NFATC2: variants seen among roughly 807,000 people sequenced by gnomAD.
NFATC2 encodes nuclear factor of activated T cells 2.
In NFATC2, 22 loss-of-function variants were observed where a neutral mutation model predicts 87.3. The ratio of observed to expected loss-of-function variants is 0.25; its 90% CI spans 0.18 to 0.36. The LOEUF (loss-of-function observed/expected upper bound fraction) is 0.36. NFATC2 is among the 10% of genes least tolerant of loss of function. The probability of loss-of-function intolerance (pLI) is 1.00; values close to 1 mark genes in which losing one functional copy is unlikely to be tolerated. For missense variants in NFATC2, 1,149 were observed against 1,259.1 expected (o/e 0.91, Z 1.32); for synonymous variants, 565 against 542.2 (o/e 1.04, Z -0.58).
chr20:51,446,248 A>G (rs919868598), intron 6 of NFATC2, among the ~76,000 whole-genome samples: 2 of 152,220 alleles, frequency 1.3e-5, no homozygotes, highest in Admixed American at 1.3e-4. Flanking sequence ...CCCAGACAAG[A>G]AACCAACATG....
intron 2 of NFATC2, among the ~76,000 whole-genome samples, chr20:51,519,237 C>G (rs2076402400): frequency 1.3e-5 from 2 of 152,008 alleles, no homozygotes; most frequent in African/African-American, 4.8e-5. Context: ...TTTAAAGCAC[C>G]AAAAATTTTG....
chr20:51,408,987 A>G (rs958903690), intron 9 of NFATC2, among the ~76,000 whole-genome samples: 1 of 152,240 alleles, frequency 6.6e-6, no homozygotes, highest in Admixed American at 6.5e-5. Context: ...CACCTTTCAG[A>G]AAAGAAATTT....
At chr20:51,449,977 G>A (rs1260273006) in intron 6 of NFATC2, among the ~76,000 whole-genome samples, 1 of 152,034 alleles carries the variant, frequency 6.6e-6, no homozygotes, top group Non-Finnish European at 1.5e-5. Context: ...ATGAGATAAA[G>A]TCTTACTTGT....
chr20:51,491,877 T>C (rs6021244), intron 3 of NFATC2, among the ~76,000 whole-genome samples: 1,805 of 57,288 alleles, frequency 0.032, 158 homozygotes, highest in African/African-American at 0.069. Flanking sequence ...CACATACACA[T>C]ACACACACAC....
intron 3 of NFATC2, among the ~76,000 whole-genome samples, chr20:51,485,284 A>C (rs1213473841): frequency 2.0e-5 from 3 of 152,132 alleles, no homozygotes; most frequent in Non-Finnish European, 4.4e-5. Flanking sequence ...TTAAATAAAA[A>C]ACCTGGATCA....
chr20:51,492,304 C>T (rs1195541224), intron 3 of NFATC2, among the ~76,000 whole-genome samples: 1 of 151,878 alleles, frequency 6.6e-6, no homozygotes, highest in East Asian at 2.0e-4. Context: ...ATTCTCAGGA[C>T]GACCTGGGCA....
chr20:51,469,501 T>TA (rs1352582141), intron 5 of NFATC2, among the ~76,000 whole-genome samples: 1 of 152,118 alleles, frequency 6.6e-6, no homozygotes. Context: ...TGTAGTGGGT[T>TA]ACACATAGTA....
intron 3 of NFATC2, among the ~76,000 whole-genome samples, chr20:51,495,551 G>C (rs2075974931): frequency 6.6e-6 from 1 of 152,152 alleles, no homozygotes; most frequent in African/African-American, 2.4e-5. Context: ...GTCCTCTCTG[G>C]GGAACTGTCT....
chr20:51,481,900 C>T (rs765871858), intron 3 of NFATC2, among the ~76,000 whole-genome samples: 4 of 152,164 alleles, frequency 2.6e-5, no homozygotes, highest in South Asian at 2.1e-4. Flanking sequence ...GTATTGGGAT[C>T]GCTTGCAAAC....
At chr20:51,476,677 A>G (rs1988745169) in intron 3 of NFATC2, among the ~76,000 whole-genome samples, 1 of 152,234 alleles carries the variant, frequency 6.6e-6, no homozygotes, top group Admixed American at 6.5e-5. Context: ...TAGCACCTAG[A>G]GTAACGCTTG....
intron 6 of NFATC2, among the ~76,000 whole-genome samples, chr20:51,453,649 T>C (rs1986068727): frequency 6.6e-6 from 1 of 152,204 alleles, no homozygotes; most frequent in Non-Finnish European, 1.5e-5. Flanking sequence ...AAGACACCGA[T>C]AGTACACCAA....
chr20:51,540,659 T>G (rs201653467), intron 1 of NFATC2, among the ~76,000 whole-genome samples: 3 of 100,104 alleles, frequency 3.0e-5, no homozygotes, highest in East Asian at 4.2e-4. Context: ...TTTTTTTTTG[T>G]TTTTTTTTTT....
chr20:51,538,714 T>C (rs2076759782), intron 1 of NFATC2, among the ~76,000 whole-genome samples: 1 of 152,238 alleles, frequency 6.6e-6, no homozygotes, highest in African/African-American at 2.4e-5. Flanking sequence ...AAGGGTTTAC[T>C]AAACCACTAG....
rs6021263 is a variant in NFATC2, at chr20:51,512,765, G to A, written c.1332+4019C>T. Among the ~76,000 whole-genome samples, 725 of 152,326 alleles carry A rather than the reference G, an allele frequency of 4.8e-3. 12 individuals are homozygous for A. Among genetic ancestry groups the A allele is most frequent in the African/African-American group, 0.016 (671 of 41,570 alleles). Reference sequence around the variant, plus strand: ...ATAGTGAGGCAAATAAAAGAGAGAAGGGTGGAGACTGAGTAACTGAGAGGG... The same window carrying A: ...ATAGTGAGGCAAATAAAAGAGAGAAAGGTGGAGACTGAGTAACTGAGAGGG... On this transcript the variant is annotated intron_variant, in intron 3 of 10. Transcript: ENST00000371564.
chr20:51,522,547 C>G (rs1334789369), intron 2 of NFATC2, among the ~76,000 whole-genome samples: 1 of 150,846 alleles, frequency 6.6e-6, no homozygotes, highest in Non-Finnish European at 1.5e-5. Context: ...CTTCCCAAGA[C>G]TTTAAGCTCC....
At chr20:51,549,797 G>A (rs918265491) in intron 1 of NFATC2, among the ~76,000 whole-genome samples, 1 of 152,252 alleles carries the variant, frequency 6.6e-6, no homozygotes, top group African/African-American at 2.4e-5. Flanking sequence ...TTCATGGGAT[G>A]TGACATGCAG....
intron 9 of NFATC2, among the ~76,000 whole-genome samples, chr20:51,413,885 A>G (rs1979644588): frequency 6.6e-6 from 1 of 152,256 alleles, no homozygotes; most frequent in South Asian, 2.1e-4. Flanking sequence ...CCTCATCTAT[A>G]AAATGCCTCT....
At chr20:51,404,375 G>C (rs991588712) in intron 9 of NFATC2, among the ~76,000 whole-genome samples, 6 of 152,216 alleles carry the variant, frequency 3.9e-5, no homozygotes, top group Non-Finnish European at 8.8e-5. Flanking sequence ...AAGGCTTTTA[G>C]AGAGAATCTG....
intron 1 of NFATC2, among the ~76,000 whole-genome samples, chr20:51,533,290 T>C (rs529154940): frequency 6.6e-6 from 1 of 152,322 alleles, no homozygotes; most frequent in African/African-American, 2.4e-5. Flanking sequence ...TGAAAAGCAA[T>C]GGGTTGCCTC....
Sources: allele counts gnomAD v4.1 joint callset (sites outside exome capture counted in the v4.1 genomes callset), GRCh38; gene constraint gnomAD v4.1.1; transcripts MANE v1.5; gene names NCBI Gene and HGNC (gene_info 2026-07-23, HGNC 2026-07-21).